The following KSR2 variants were observed in gnomAD, a reference collection of about 807,000 sequenced individuals.
KSR2 encodes the protein kinase suppressor of ras 2.
KSR2 carries 25 observed loss-of-function variants against 107.8 expected under a neutral mutation model. That is an observed-to-expected ratio of 0.23 (90% CI 0.17 to 0.32). KSR2 has a LOEUF of 0.32. Among genes scored for constraint, KSR2 ranks in the 10% least tolerant of loss-of-function variants. The pLI, the probability that KSR2 is intolerant of heterozygous loss-of-function variation, is 1.00. For synonymous variants in KSR2, 480 were observed against 507.0 expected, an observed-to-expected ratio of 0.95 and a Z score of 0.71; for missense variants, 887 against 1,268.9, an observed-to-expected ratio of 0.70 and a Z score of 4.57.
chr12:117,781,903 A>G (rs1440400577), intron 3 of KSR2, among the ~76,000 whole-genome samples: 4 of 152,200 alleles, frequency 2.6e-5, no homozygotes, highest in African/African-American at 7.2e-5. Context: ...ATATCCCTGC[A>G]GGTCTAAACA....
chr12:117,594,833 G>A (rs1473418666), intron 5 of KSR2, among the ~76,000 whole-genome samples: 2 of 152,106 alleles, frequency 1.3e-5, no homozygotes, highest in African/African-American at 4.8e-5. Context: ...GACATTTTTC[G>A]TTGTCACAAC....
At chr12:117,588,228 A>G (rs1025682076) in intron 5 of KSR2, among the ~76,000 whole-genome samples, 2 of 152,210 alleles carry the variant, frequency 1.3e-5, no homozygotes, top group African/African-American at 4.8e-5. Flanking sequence ...GTTTTGTCCC[A>G]AACCTACCAA....
At chr12:117,894,243 C>G (rs909643671) in intron 1 of KSR2, among the ~76,000 whole-genome samples, 21 of 152,274 alleles carry the variant, frequency 1.4e-4, no homozygotes, top group African/African-American at 4.6e-4. Flanking sequence ...TCTAATAGTG[C>G]CAGCATTAGG....
chr12:117,847,005 G>A (rs547145287), intron 3 of KSR2, among the ~76,000 whole-genome samples: 2 of 152,244 alleles, frequency 1.3e-5, no homozygotes, highest in Admixed American at 6.5e-5. Context: ...TTCGCATCAG[G>A]TTTCTGCCGC....
At chr12:117,522,761 G>A (rs979337015) in intron 14 of KSR2, among the ~76,000 whole-genome samples, 4 of 152,120 alleles carry the variant, frequency 2.6e-5, no homozygotes, top group African/African-American at 4.8e-5. Context: ...GCCTGTTGAG[G>A]ATATCCCCTG....
At chr12:117,533,801 C>T (rs748000650) in intron 10 of KSR2, among the ~76,000 whole-genome samples, 2 of 152,038 alleles carry the variant, frequency 1.3e-5, no homozygotes, top group African/African-American at 2.4e-5. Flanking sequence ...TCAGAGAGTC[C>T]GAGAAGGGAC....
At chr12:117,740,480 CATATAATATATATGTTATATATTACATTT>C (rs1165763238) in intron 4 of KSR2, among the ~76,000 whole-genome samples, 9 of 114,534 alleles carry the variant, frequency 7.9e-5, no homozygotes, top group Non-Finnish European at 3.7e-5. Flanking sequence ...TAATATATAA[CATATAATATATATGTTATATATTACATTT>C]ATATAATATA....
At chr12:117,669,853 G>A (rs1323401501) in intron 4 of KSR2, among the ~76,000 whole-genome samples, 5 of 152,062 alleles carry the variant, frequency 3.3e-5, no homozygotes, top group Admixed American at 2.6e-4. Flanking sequence ...GGGTGACATA[G>A]TGAGACCCTG....
chr12:117,651,167 A>G (rs1476208539), intron 5 of KSR2, among the ~76,000 whole-genome samples: 1 of 152,048 alleles, frequency 6.6e-6, no homozygotes. Context: ...CCCCTCCCCA[A>G]CCCATGCTGC....
At chr12:117,559,920 C>G (rs1381235452) in intron 7 of KSR2, among the ~76,000 whole-genome samples, 1 of 152,196 alleles carries the variant, frequency 6.6e-6, no homozygotes, top group Middle Eastern at 3.2e-3. Context: ...CAGCCAACAT[C>G]TTTGCCAGAG....
intron 5 of KSR2, among the ~76,000 whole-genome samples, chr12:117,586,629 A>G (rs7486456): frequency 7.2e-6 from 1 of 138,314 alleles, no homozygotes; most frequent in Non-Finnish European, 1.5e-5. Context: ...AAAAGAAAGA[A>G]AAAGAAAGAA....
intron 5 of KSR2, among the ~76,000 whole-genome samples, chr12:117,649,629 C>T (rs1013277507): frequency 6.6e-6 from 1 of 152,126 alleles, no homozygotes; most frequent in African/African-American, 2.4e-5. Context: ...AAGATCTGAA[C>T]CCAGGCTTGT....
Position 117,861,378 on chromosome 12 carries a change from CTTTTTTTTTTTTTT to C in KSR2, c.181-961_181-948del, listed in dbSNP as rs5801257. The stretch of plus-strand genomic sequence containing the variant: ...TCTGTCCACAAGGACTCCCAATTCG[CTTTTTTTTTTTTTT>C]TTTTTTTTTTTTTTGAGATGGAGTC... On this transcript the variant is annotated intron_variant, in intron 1 of 19. Transcript: ENST00000339824. Among the ~76,000 whole-genome samples the C allele has an allele frequency of 4.9e-3, 397 of 81,686 alleles. 22 individuals are homozygous for C. The East Asian group carries it at 0.12, about 25-fold the overall frequency. The allele number at this position is 81,686 out of a possible 152,430, so 53.6% of individuals were successfully genotyped here. A position where few individuals can be genotyped will look rare whatever the true frequency, so the allele number is the denominator to read the frequency against.
chr12:117,458,926 T>C lies in KSR2; in HGVS notation c.*8273A>G, dbSNP rs913160833. ...AGCCCAGACTGAACAGCAGAAATTT[T>C]ACAAACCTCCTCAAGAAAGAAAAGC... On this transcript the variant is annotated 3_prime_UTR_variant, in exon 20 of 20. Transcript: ENST00000339824. The C allele has an allele frequency of 6.6e-6, 1 of 152,280 alleles. No individual in the cohort carries two copies. Among genetic ancestry groups the C allele is most frequent in the African/African-American group, 2.4e-5 (1 of 41,446 alleles). 9.4% of individuals were successfully genotyped at this position (152,280 alleles called of 1,614,324 possible). A position where few individuals can be genotyped will look rare whatever the true frequency, so the allele number is the denominator to read the frequency against.
intron 14 of KSR2, among the ~76,000 whole-genome samples, chr12:117,498,504 C>T (rs1342306517): frequency 6.6e-6 from 1 of 152,148 alleles, no homozygotes; most frequent in Admixed American, 6.5e-5. Context: ...GGAATGAGTG[C>T]ATGGATAAAC....
intron 14 of KSR2, among the ~76,000 whole-genome samples, chr12:117,506,543 A>G (rs1873691085): frequency 6.6e-6 from 1 of 152,168 alleles, no homozygotes; most frequent in African/African-American, 2.4e-5. Context: ...GTGTCAGAAG[A>G]GTTTTGGGTC....
At chr12:117,943,500 C>CAAAA (rs35125662) in intron 1 of KSR2, among the ~76,000 whole-genome samples, 5 of 52,914 alleles carry the variant, frequency 9.4e-5, no homozygotes, top group Non-Finnish European at 1.3e-4. Context: ...TCCACCTAGC[C>CAAAA]AAAAAAAAAA....
At chr12:117,593,272 C>T (rs921400119) in intron 5 of KSR2, among the ~76,000 whole-genome samples, 4 of 152,246 alleles carry the variant, frequency 2.6e-5, no homozygotes, top group Admixed American at 6.5e-5. Flanking sequence ...CTGCCATCAC[C>T]ACAAATGTCC....
At chr12:117,890,917 C>T (rs1014713850) in intron 1 of KSR2, 10 of 152,150 alleles carry the variant, frequency 6.6e-5, no homozygotes, top group African/African-American at 2.4e-4. Flanking sequence ...GCTGGATTCC[C>T]TTGCTGATGA....
Sources: allele counts gnomAD v4.1 joint callset (sites outside exome capture counted in the v4.1 genomes callset), GRCh38; gene constraint gnomAD v4.1.1; transcripts MANE v1.5; gene names NCBI Gene and HGNC (gene_info 2026-07-23, HGNC 2026-07-21).